DCC: variants seen among roughly 807,000 people sequenced by gnomAD.
DCC encodes the protein DCC netrin 1 receptor.
In DCC, 58 loss-of-function variants were observed where a neutral mutation model predicts 172.5. The ratio of observed to expected loss-of-function variants is 0.34; its 90% CI spans 0.27 to 0.42. The LOEUF is 0.42. DCC is among the 10% of genes least tolerant of loss of function. DCC has a pLI of 1.00. For synonymous variants in DCC, 709 were observed against 644.5 expected (o/e 1.10, Z -1.52); for missense variants, 1,740 against 1,791.0 (o/e 0.97, Z 0.51).
intron 21 of DCC, among the ~76,000 whole-genome samples, chr18:53,418,946 CT>C (rs1350566257): frequency 6.6e-6 from 1 of 152,004 alleles, no homozygotes; most frequent in Non-Finnish European, 1.5e-5. Flanking sequence ...TATAATTCTC[CT>C]TTTTTGCATC....
chr18:52,650,190 G>A (rs561609713), intron 1 of DCC, among the ~76,000 whole-genome samples: 7 of 152,050 alleles, frequency 4.6e-5, no homozygotes, highest in African/African-American at 1.7e-4. Context: ...TGTTGGTCAG[G>A]CAGGTCTCGA....
At chr18:53,185,214 AT>A (rs2055261540) in intron 9 of DCC, among the ~76,000 whole-genome samples, 1 of 152,178 alleles carries the variant, frequency 6.6e-6, no homozygotes, top group Admixed American at 6.5e-5. Flanking sequence ...GGCTTAAGGA[AT>A]TCATTTAGAT....
chr18:53,206,231 ATG>A (rs1417781241), intron 10 of DCC, among the ~76,000 whole-genome samples: 2 of 138,742 alleles, frequency 1.4e-5, no homozygotes, highest in Non-Finnish European at 3.0e-5. Flanking sequence ...ATATACATAT[ATG>A]TGTTATACAT....
At chr18:52,650,425 T>G (rs1390538203) in intron 1 of DCC, among the ~76,000 whole-genome samples, 1 of 152,310 alleles carries the variant, frequency 6.6e-6, no homozygotes, top group African/African-American at 2.4e-5. Context: ...ATGGTTACAC[T>G]AAAAGCCCAG....
intron 1 of DCC, among the ~76,000 whole-genome samples, chr18:52,537,669 G>GA (rs1279492115): frequency 6.6e-6 from 1 of 152,066 alleles, no homozygotes; most frequent in Non-Finnish European, 1.5e-5. Context: ...CAATGACGAC[G>GA]AATGAAAGGA....
intron 1 of DCC, among the ~76,000 whole-genome samples, chr18:52,747,204 T>C (rs1725781505): frequency 6.6e-6 from 1 of 152,204 alleles, no homozygotes. Context: ...AGTTTCTTAA[T>C]GGATGAGATT....
At chr18:52,627,140 T>G (rs1432267372) in intron 1 of DCC, among the ~76,000 whole-genome samples, 3 of 152,202 alleles carry the variant, frequency 2.0e-5, no homozygotes, top group Non-Finnish European at 4.4e-5. Flanking sequence ...AGAGATGTCC[T>G]CAAGTAGAGC....
chr18:53,097,776 C>T (rs1372575386), intron 7 of DCC, among the ~76,000 whole-genome samples: 4 of 152,150 alleles, frequency 2.6e-5, no homozygotes, highest in Non-Finnish European at 5.9e-5. Flanking sequence ...CACCTTCTTA[C>T]TGTGTCTTCG....
At chr18:53,090,722 AAAAAAAAAAAAAG>A in intron 7 of DCC, among the ~76,000 whole-genome samples, 2 of 131,564 alleles carry the variant, frequency 1.5e-5, no homozygotes, top group African/African-American at 5.8e-5. Context: ...AAAAAAAAAA[AAAAAAAAAAAAAG>A]AATGTATCGT....
chr18:52,905,418 A>G (rs891156527), intron 2 of DCC, among the ~76,000 whole-genome samples: 3 of 152,194 alleles, frequency 2.0e-5, no homozygotes, highest in Admixed American at 2.0e-4. Context: ...AAGCTATCCT[A>G]ATTCCAGCTT....
intron 1 of DCC, among the ~76,000 whole-genome samples, chr18:52,595,448 C>T (rs767748141): frequency 2.7e-4 from 41 of 152,194 alleles, no homozygotes; most frequent in Non-Finnish European, 4.4e-4. Context: ...ATTATTTTCT[C>T]TATTCCAGAT....
intron 1 of DCC, among the ~76,000 whole-genome samples, chr18:52,475,638 C>G: frequency 6.6e-6 from 1 of 151,998 alleles, no homozygotes. Context: ...GCCATTTCAG[C>G]TATTAGAAGT....
intron 27 of DCC, among the ~76,000 whole-genome samples, chr18:53,505,025 C>T (rs2046154210): frequency 6.6e-6 from 1 of 152,068 alleles, no homozygotes. Flanking sequence ...TTTTCCCCCC[C>T]TAAAAGGGGT....
At chr18:52,841,446 G>C (rs2038805372) in intron 2 of DCC, among the ~76,000 whole-genome samples, 1 of 152,116 alleles carries the variant, frequency 6.6e-6, no homozygotes, top group South Asian at 2.1e-4. Context: ...ATTTCCACTA[G>C]CAGATCCTAA....
intron 9 of DCC, among the ~76,000 whole-genome samples, chr18:53,190,880 A>G (rs1258328677): frequency 2.0e-5 from 3 of 152,270 alleles, no homozygotes; most frequent in Admixed American, 1.3e-4. Flanking sequence ...TGGGAGGCGG[A>G]GCTTGCAGTG....
intron 1 of DCC, among the ~76,000 whole-genome samples, chr18:52,543,378 C>T (rs935327054): frequency 1.3e-5 from 2 of 152,266 alleles, no homozygotes; most frequent in Admixed American, 6.5e-5. Flanking sequence ...TTACACTTAA[C>T]AGCTCTTCTC....
chr18:52,481,324 C>A (rs1329811832), intron 1 of DCC, among the ~76,000 whole-genome samples: 1 of 149,772 alleles, frequency 6.7e-6, no homozygotes, highest in Non-Finnish European at 1.5e-5. Context: ...ACACAGTTGG[C>A]CACCTTCCGG....
In DCC at chr18:53,279,661, A is replaced by C. The variant is rs556497457; in HGVS notation, c.1912-25917A>C. The stretch of plus-strand genomic sequence containing the variant: ...TTAAAGTATAATAAAAAAAAAAAAA[A>C]AAACCTGTGACTTAAACTAGGCTAA... On this transcript the variant is annotated intron_variant, in intron 12 of 28. Transcript: ENST00000442544. Among the ~76,000 whole-genome samples the C allele has an allele frequency of 4.4e-4, 67 of 152,048 alleles. No individual in the cohort carries two copies. In the South Asian group the frequency reaches 4.6e-3, roughly 10 times the overall value.
At chr18:53,353,804 T>C (rs1326785060) in intron 15 of DCC, among the ~76,000 whole-genome samples, 1 of 152,162 alleles carries the variant, frequency 6.6e-6, no homozygotes, top group African/African-American at 2.4e-5. Flanking sequence ...AGTTCTAGGG[T>C]ACATGTGCAC....
Sources: allele counts gnomAD v4.1 joint callset (sites outside exome capture counted in the v4.1 genomes callset), GRCh38; gene constraint gnomAD v4.1.1; transcripts MANE v1.5; gene names NCBI Gene and HGNC (gene_info 2026-07-23, HGNC 2026-07-21).